Variants in NHSL1 observed in about 807,000 individuals in gnomAD.
NHSL1 encodes the protein NHS-like protein 1.
NHSL1 carries 48 observed loss-of-function variants against 95.0 expected under a neutral mutation model. That is an observed-to-expected ratio of 0.51 (90% CI 0.40 to 0.64). The LOEUF (loss-of-function observed/expected upper bound fraction) is 0.64. Ranked by LOEUF, NHSL1 falls within the 30% of genes least tolerant of loss-of-function variation. The pLI, the probability that NHSL1 is intolerant of heterozygous loss-of-function variation, is 0.00. For synonymous variants in NHSL1, 783 were observed against 833.9 expected (o/e 0.94, Z 1.05); for missense variants, 1,971 against 2,077.7 (o/e 0.95, Z 1.00).
chr6:138,440,779 C>A (rs1776477964), intron 5 of NHSL1, among the ~76,000 whole-genome samples: 2 of 152,226 alleles, frequency 1.3e-5, no homozygotes, highest in African/African-American at 4.8e-5. Flanking sequence ...CATACAACCT[C>A]AAGGTGCTAT....
At chr6:138,437,229 G>A (rs1467526384) in intron 5 of NHSL1, among the ~76,000 whole-genome samples, 23 of 148,272 alleles carry the variant, frequency 1.6e-4, no homozygotes, top group African/African-American at 4.2e-4. Context: ...AGCTGAGATC[G>A]CGCCATTGCA....
At position 138,496,249 on chromosome 6, in the gene NHSL1, C is replaced by T; in HGVS notation, c.181G>A (p.Ala61Thr). ...AGTACTGATTTGAGGTTGAGCTTGG[C>T]TTGGCGGTGCAGGTCCTCAACACAG... ...PPCVEDLHRQ[A>T]KLNLKSVLRE... The change falls in exon 2 of 8, where the codon GCC (alanine) becomes ACC (threonine). Residue 61 changes from alanine to threonine, a missense_variant. Physicochemically the swap from Ala to Thr is moderately conservative, Grantham distance 58. Coordinates refer to ENST00000343505, the MANE Select transcript of NHSL1 (RefSeq NM_001144060.2). 6.4e-7 allele frequency: 1 copy of T among 1,550,988 alleles called. No homozygotes were observed. The highest frequency in any genetic ancestry group is 1.2e-5 in the South Asian group (1 of 83,994).
rs1048454658 is a variant in NHSL1 at position 138,422,824 on chromosome 6, A to C, written c.*1257T>G. 2.6e-5 allele frequency: 4 copies of C among 152,202 alleles called. No individual in the cohort carries two copies. The highest frequency in any genetic ancestry group is 5.9e-5 in the Non-Finnish European group (4 of 68,026). 9.4% of individuals were successfully genotyped at this position (152,202 alleles called of 1,614,324 possible). ...AAAAACCTTTTTAATCTAAAAATTC[A>C]TTTCCCAGGGCTAATTGATAGCCAG... On this transcript the variant is annotated 3_prime_UTR_variant, in exon 8 of 8. Transcript: ENST00000343505.
At chr6:138,597,589 T>A (rs1045144274) in intron 1 of NHSL1, among the ~76,000 whole-genome samples, 7 of 152,228 alleles carry the variant, frequency 4.6e-5, no homozygotes, top group Non-Finnish European at 8.8e-5. Flanking sequence ...TCACCATTTC[T>A]GAAAAATCAT....
intron 1 of NHSL1, among the ~76,000 whole-genome samples, chr6:138,565,299 G>A (rs558992824): frequency 6.6e-6 from 1 of 152,214 alleles, no homozygotes; most frequent in South Asian, 2.1e-4. Flanking sequence ...TAGAGACAGG[G>A]TTTCACCATG....
At chr6:138,438,154 T>G (rs9495083) in intron 5 of NHSL1, among the ~76,000 whole-genome samples, 12 of 152,218 alleles carry the variant, frequency 7.9e-5, no homozygotes, top group African/African-American at 2.9e-4. Context: ...AGGAAGGATC[T>G]GTCAGTGTGG....
At chr6:138,586,949 G>A (rs1303845194) in intron 1 of NHSL1, among the ~76,000 whole-genome samples, 2 of 152,034 alleles carry the variant, frequency 1.3e-5, no homozygotes, top group Middle Eastern at 3.4e-3. Flanking sequence ...GGGTAGAGTG[G>A]GTTTGAGTTT....
rs948169950 is a variant in NHSL1, at chr6:138,432,699, C to G, written c.1646G>C (p.Ser549Thr). 1.9e-6 allele frequency: 3 copies of G among 1,551,618 alleles called. No individual in the cohort carries two copies. Among genetic ancestry groups the G allele is most frequent in the Non-Finnish European group, 2.6e-6 (3 of 1,146,920 alleles). The part of the protein sequence containing the change: ...SSYSGGGGHS[S>T]SEPWEYKSSG... ...GGATTTGTATTCCCAGGGCTCCGAG[C>G]TGCTGTGCCCTCCGCCCCCTGAATA... The change falls in exon 6 of 8, where the codon AGC (serine) becomes ACC (threonine). Residue 549 changes from serine to threonine, a missense_variant. By Grantham distance (58) the Ser-to-Thr change is moderately conservative. Transcript: ENST00000343505. The surrounding 1 kb of genome is among the most constrained non-coding windows in gnomAD (Gnocchi z 4.4).
chr6:138,485,465 A>G (rs922418221), intron 2 of NHSL1, among the ~76,000 whole-genome samples: 4 of 151,458 alleles, frequency 2.6e-5, no homozygotes, highest in Admixed American at 6.6e-5. Flanking sequence ...AAAAAAAAAA[A>G]AAGGTATGGG....
intron 1 of NHSL1, among the ~76,000 whole-genome samples, chr6:138,595,588 C>G (rs747463460): frequency 1.3e-5 from 2 of 152,148 alleles, no homozygotes; most frequent in Non-Finnish European, 2.9e-5. Context: ...TTTTTTAAAA[C>G]AGATATATTA....
chr6:138,433,659 T>A lies in NHSL1; in HGVS notation c.686A>T (p.Asp229Val), dbSNP rs1379099088. Reference protein sequence around the residue: ...KELASGTGQDDADGHSVYTPD... With the variant: ...KELASGTGQDVADGHSVYTPD... The stretch of plus-strand genomic sequence containing the variant: ...GGTGTACACTGAGTGGCCATCAGCA[T>A]CATCTTGGCCAGTGCCTGATGCTGG... Residue 229 changes from aspartate (D) to valine (V), a missense_variant, in exon 6 of 8, where the codon GAT becomes GTT. Physicochemically the swap from Asp to Val is radical, Grantham distance 152. Coordinates refer to ENST00000343505, the MANE Select transcript of NHSL1 (RefSeq NM_001144060.2). 1 of 1,543,750 alleles carries A rather than the reference T, an allele frequency of 6.5e-7. No homozygotes were observed. The highest frequency in any genetic ancestry group is 1.2e-5 in the South Asian group (1 of 83,678).
At chr6:138,438,769 G>A (rs1452445203) in intron 5 of NHSL1, among the ~76,000 whole-genome samples, 1 of 152,092 alleles carries the variant, frequency 6.6e-6, no homozygotes, top group Non-Finnish European at 1.5e-5. Context: ...GTCTTGTCAA[G>A]TAGATAGTTT....
At chr6:138,627,897 A>T (rs1784764128) in intron 1 of NHSL1, among the ~76,000 whole-genome samples, 1 of 152,150 alleles carries the variant, frequency 6.6e-6, no homozygotes, top group African/African-American at 2.4e-5. Context: ...AAAATAAAAA[A>T]AATTTAAAAA....
chr6:138,676,945 T>G (rs1280439177), intron 1 of NHSL1, among the ~76,000 whole-genome samples: 1 of 152,212 alleles, frequency 6.6e-6, no homozygotes, highest in Non-Finnish European at 1.5e-5. Flanking sequence ...CGTGAGCCAC[T>G]GCCCCAGGCC....
intron 1 of NHSL1, among the ~76,000 whole-genome samples, chr6:138,539,069 G>C (rs1782477517): frequency 2.0e-5 from 3 of 152,118 alleles, no homozygotes; most frequent in Non-Finnish European, 4.4e-5. Context: ...AGTTAACAAA[G>C]ACTGATAAAT....
At chr6:138,595,216 T>C (rs1344702941) in intron 1 of NHSL1, among the ~76,000 whole-genome samples, 1 of 152,202 alleles carries the variant, frequency 6.6e-6, no homozygotes, top group African/African-American at 2.4e-5. Flanking sequence ...ATTTTATGCA[T>C]ACAGTCTCTA....
chr6:138,690,654 T>C (rs989462562), intron 1 of NHSL1, among the ~76,000 whole-genome samples: 1 of 152,074 alleles, frequency 6.6e-6, no homozygotes, highest in African/African-American at 2.4e-5. Flanking sequence ...GGCAGGAGGA[T>C]TGCTTGAACC....
intron 1 of NHSL1, among the ~76,000 whole-genome samples, chr6:138,523,399 T>G (rs1470401895): frequency 6.6e-6 from 1 of 152,038 alleles, no homozygotes; most frequent in Non-Finnish European, 1.5e-5. Flanking sequence ...AGCCTCGAAC[T>G]CCTGGGCTCA....
intron 1 of NHSL1, among the ~76,000 whole-genome samples, chr6:138,516,777 A>G (rs1449709829): frequency 6.6e-6 from 1 of 151,998 alleles, no homozygotes; most frequent in African/African-American, 2.4e-5. Flanking sequence ...TGGGACTACA[A>G]GTGCATGCCA....
Sources: allele counts gnomAD v4.1 joint callset (sites outside exome capture counted in the v4.1 genomes callset), GRCh38; gene constraint gnomAD v4.1.1; non-coding constraint Gnocchi (gnomAD v3.1); transcripts MANE v1.5; gene names NCBI Gene and HGNC (gene_info 2026-07-23, HGNC 2026-07-21).